STK3: variants seen among roughly 807,000 people sequenced by gnomAD.
STK3 encodes the protein serine/threonine kinase 3, also known as serine/threonine-protein kinase 3.
In STK3, 41 loss-of-function variants were observed where a neutral mutation model predicts 58.0. The ratio of observed to expected loss-of-function variants is 0.71; its 90% CI spans 0.55 to 0.92. The LOEUF is 0.92. STK3 is among the 40% of genes least tolerant of loss of function. The probability of loss-of-function intolerance (pLI) is 0.00; values close to 1 mark genes in which losing one functional copy is unlikely to be tolerated. For missense variants in STK3, 479 were observed against 602.7 expected (o/e 0.79, Z 2.15); for synonymous variants, 170 against 191.0 (o/e 0.89, Z 0.91).
chr8:98,469,913 T>C (rs1415405772), intron 10 of STK3, among the ~76,000 whole-genome samples: 1 of 152,234 alleles, frequency 6.6e-6, no homozygotes, highest in Non-Finnish European at 1.5e-5. Context: ...TGACATACAC[T>C]GTTATTCAAG....
chr8:98,427,219 C>T (rs1818249418), intron 3 of STK3: 1 of 150,794 alleles, frequency 6.6e-6, no homozygotes. Context: ...CGGGCGCACA[C>T]ACTCGCACCC....
At chr8:98,883,912 G>C in intron 1 of STK3, 1 of 549,202 alleles carries the variant, frequency 1.8e-6, no homozygotes, top group South Asian at 2.6e-5. Context: ...TAGGGTTGCC[G>C]GGGATGACTT....
chr8:98,731,078 A>G (rs1043019452), intron 4 of STK3, among the ~76,000 whole-genome samples: 2 of 152,222 alleles, frequency 1.3e-5, no homozygotes, highest in African/African-American at 4.8e-5. Context: ...TCTTTGAAGT[A>G]GTTGTACTAA....
chr8:98,345,313 C>T, the STK3 span, among the ~76,000 whole-genome samples: 10 of 151,996 alleles, frequency 6.6e-5, no homozygotes, highest in African/African-American at 2.4e-4. Context: ...CCTGCCTTTC[C>T]CAAATACCAA....
chr8:98,400,895 CACA>C (rs913574445), downstream of STK3, among the ~76,000 whole-genome samples: 2 of 152,046 alleles, frequency 1.3e-5, no homozygotes, highest in African/African-American at 4.8e-5. Context: ...CAAATAAGGC[CACA>C]ACATTATTTT....
At chr8:98,622,126 T>A (rs989312465) in intron 6 of STK3, among the ~76,000 whole-genome samples, 9 of 136,168 alleles carry the variant, frequency 6.6e-5, no homozygotes, top group Admixed American at 1.5e-4. Context: ...AAAAAAAAAA[T>A]TAGCTGAGTG....
intron 3 of STK3, chr8:98,429,521 GAGGGGAGAGATGCATGGGATATGCACCC>G: frequency 1.3e-6 from 1 of 768,432 alleles, no homozygotes; most frequent in East Asian, 2.6e-5. Flanking sequence ...CCCAGCCCCT[GAGGGGAGAGATGCATGGGATATGCACCC>G]AGGTTTCTTT....
intron 3 of STK3, among the ~76,000 whole-genome samples, chr8:98,873,857 T>G (rs532638352): frequency 2.0e-5 from 3 of 152,286 alleles, no homozygotes; most frequent in Non-Finnish European, 4.4e-5. Flanking sequence ...AGGTTAATAT[T>G]GTTATGTGTG....
At chr8:98,582,427 C>T (rs904074935) in intron 7 of STK3, among the ~76,000 whole-genome samples, 1 of 151,920 alleles carries the variant, frequency 6.6e-6, no homozygotes, top group African/African-American at 2.4e-5. Context: ...CTTTATTGCA[C>T]CGGAATGAAT....
chr8:98,626,220 C>A (rs912002700), intron 6 of STK3, among the ~76,000 whole-genome samples: 1 of 152,032 alleles, frequency 6.6e-6, no homozygotes, highest in African/African-American at 2.4e-5. Context: ...TAGATAGAAT[C>A]ACATGAAAAA....
chr8:98,472,934 C>T (rs976418772), intron 10 of STK3, among the ~76,000 whole-genome samples: 3 of 151,808 alleles, frequency 2.0e-5, no homozygotes, highest in African/African-American at 4.8e-5. Context: ...GAATTAGGAG[C>T]GAAATGGTCC....
chr8:98,636,448 C>G (rs999408607), intron 6 of STK3, among the ~76,000 whole-genome samples: 1 of 152,048 alleles, frequency 6.6e-6, no homozygotes, highest in South Asian at 2.1e-4. Flanking sequence ...GTGTTAGGCA[C>G]GAAAGACTAT....
At chr8:98,502,930 G>A (rs1037186159) in intron 10 of STK3, among the ~76,000 whole-genome samples, 7 of 152,128 alleles carry the variant, frequency 4.6e-5, no homozygotes, top group African/African-American at 1.4e-4. Context: ...AATTAGTTAC[G>A]GAGAATTCCC....
intron 7 of STK3, chr8:98,595,581 C>T: frequency 6.6e-6 from 1 of 152,200 alleles, no homozygotes; most frequent in East Asian, 1.9e-4. Context: ...TACTGACATT[C>T]TGGATACAAA....
At chr8:98,501,974 G>T (rs192433612) in intron 10 of STK3, among the ~76,000 whole-genome samples, 1 of 152,178 alleles carries the variant, frequency 6.6e-6, no homozygotes, top group Non-Finnish European at 1.5e-5. Context: ...CGATGGCATT[G>T]AATCTATAAA....
At chr8:98,469,134 ATGAGAAAGTAATATGCC>A (rs1251690964) in intron 10 of STK3, among the ~76,000 whole-genome samples, 4 of 151,548 alleles carry the variant, frequency 2.6e-5, no homozygotes, top group Non-Finnish European at 5.9e-5. Context: ...GAAAAGAAAG[ATGAGAAAGTAATATGCC>A]ACCATTACTT....
intron 3 of STK3, among the ~76,000 whole-genome samples, chr8:98,761,273 T>A (rs1830599202): frequency 6.6e-6 from 1 of 151,908 alleles, no homozygotes; most frequent in Non-Finnish European, 1.5e-5. Flanking sequence ...TACAGGCACG[T>A]GCCACCATGC....
Position 98,912,161 on chromosome 8 carries a change from A to G in STK3, c.-78-28327T>C, listed in dbSNP as rs186534506. Among the ~76,000 whole-genome samples the G allele has an allele frequency of 5.9e-3, 900 of 152,224 alleles. 9 individuals carry two copies. The highest frequency in any genetic ancestry group is 0.015 in the South Asian group (70 of 4,820). On this transcript the variant is annotated intron_variant, in intron 1 of 1. Transcript: ENST00000519420. ...TAGGAGGCAGAGGCAGGTGGATCACATGAGGTCAGGAATTCAAGATGAGCC... is the reference window on the plus strand; with the variant it reads ...TAGGAGGCAGAGGCAGGTGGATCACGTGAGGTCAGGAATTCAAGATGAGCC...
intron 6 of STK3, among the ~76,000 whole-genome samples, chr8:98,614,384 G>C (rs1817476689): frequency 6.9e-6 from 1 of 144,314 alleles, no homozygotes; most frequent in East Asian, 1.9e-4. Context: ...GGAAAATCAA[G>C]CACTTGAAAA....
Sources: gnomAD v4.1 joint callset for allele counts (sites outside exome capture counted in the v4.1 genomes callset) on GRCh38, gnomAD v4.1.1 for gene constraint, MANE v1.5 for transcripts, NCBI Gene and HGNC (gene_info 2026-07-23, HGNC 2026-07-21) for gene names.